Variants in KLHL29 observed in about 807,000 individuals in gnomAD.
KLHL29 encodes the protein kelch like family member 29.
Under a neutral mutation model 80.4 loss-of-function variants are expected in KLHL29, and 21 were observed. The observed-to-expected ratio is 0.26, with a 90% CI of 0.19 to 0.38. The LOEUF is 0.38. Ranked by LOEUF, KLHL29 falls within the 10% of genes least tolerant of loss-of-function variation. The pLI is 1.00. For synonymous variants in KLHL29, 511 were observed against 526.8 expected (o/e 0.97, Z 0.41); for missense variants, 867 against 1,223.9 (o/e 0.71, Z 4.35).
intron 3 of KLHL29, among the ~76,000 whole-genome samples, chr2:23,613,337 A>T (rs1016246207): frequency 6.6e-6 from 1 of 152,266 alleles, no homozygotes; most frequent in Non-Finnish European, 1.5e-5. Context: ...GAGAAAAGGT[A>T]TAGAAAGATT....
chr2:23,563,718 C>T (rs1406541421), intron 3 of KLHL29, among the ~76,000 whole-genome samples: 3 of 152,210 alleles, frequency 2.0e-5, no homozygotes, highest in Non-Finnish European at 2.9e-5. Flanking sequence ...TGAGTGTTGC[C>T]GGCCACAGAG....
chr2:23,666,457 G>T (rs1465318517), intron 5 of KLHL29, among the ~76,000 whole-genome samples: 1 of 152,142 alleles, frequency 6.6e-6, no homozygotes, highest in Non-Finnish European at 1.5e-5. Flanking sequence ...GAAGAGAGCA[G>T]TTCCTCTCAG....
intron 3 of KLHL29, among the ~76,000 whole-genome samples, chr2:23,637,108 A>AGT (rs1669633444): frequency 6.6e-6 from 1 of 152,128 alleles, no homozygotes; most frequent in African/African-American, 2.4e-5. Context: ...CCAGGAAGGG[A>AGT]GTGCCGGTCA....
chr2:23,476,188 G>A (rs1664637065), intron 2 of KLHL29, among the ~76,000 whole-genome samples: 1 of 152,016 alleles, frequency 6.6e-6, no homozygotes, highest in Non-Finnish European at 1.5e-5. Flanking sequence ...GAATCTCTGT[G>A]ACAGTTCCTT....
At chr2:23,435,771 G>A (rs1487257554) in intron 1 of KLHL29, among the ~76,000 whole-genome samples, 2 of 152,142 alleles carry the variant, frequency 1.3e-5, no homozygotes, top group Admixed American at 1.3e-4. Context: ...GTGAATAATT[G>A]CAGCTATCCT....
At position 23,392,735 on chromosome 2, in the gene KLHL29, G is replaced by GCA. The variant is rs140487232; in HGVS notation, c.-154+6963_-154+6964dup. On this transcript the variant is annotated intron_variant, in intron 1 of 13. Coordinates refer to ENST00000486442, the MANE Select transcript of KLHL29 (RefSeq NM_052920.2). ...CCAGTCTGTCTGTGTTTTCCTTTCT[G>GCA]CACACACACCCCTATTCGTGTGTGC... 7.2e-3 allele frequency among the ~76,000 whole-genome samples: 1,089 copies of GCA among 152,192 alleles called. 15 individuals are homozygous for GCA. The highest frequency in any genetic ancestry group is 0.025 in the African/African-American group (1,026 of 41,526).
chr2:23,418,208 G>T (rs970327214), intron 1 of KLHL29, among the ~76,000 whole-genome samples: 1 of 152,192 alleles, frequency 6.6e-6, no homozygotes, highest in African/African-American at 2.4e-5. Flanking sequence ...CTGCCCTCCT[G>T]CCTGACTCCC....
At chr2:23,632,043 C>T (rs1013966744) in intron 3 of KLHL29, among the ~76,000 whole-genome samples, 2 of 152,184 alleles carry the variant, frequency 1.3e-5, no homozygotes, top group African/African-American at 4.8e-5. Context: ...CGCCCAACAC[C>T]AACTGAAGCA....
At chr2:23,398,298 T>C (rs1414823313) in intron 1 of KLHL29, among the ~76,000 whole-genome samples, 1 of 152,230 alleles carries the variant, frequency 6.6e-6, no homozygotes, top group African/African-American at 2.4e-5. Flanking sequence ...AAGGAACTTT[T>C]GACACACGCT....
chr2:23,494,487 G>A (rs1461732909), intron 2 of KLHL29, among the ~76,000 whole-genome samples: 1 of 152,150 alleles, frequency 6.6e-6, no homozygotes, highest in Non-Finnish European at 1.5e-5. Context: ...ATCTTTTTCA[G>A]CTGCATGCAG....
chr2:23,584,839 C>T lies in KLHL29; in HGVS notation c.285+22358C>T, dbSNP rs112977034. 9.6e-3 allele frequency among the ~76,000 whole-genome samples: 1,465 copies of T among 152,286 alleles called. 25 individuals carry two copies. Among genetic ancestry groups the T allele is most frequent in the African/African-American group, 0.034 (1,396 of 41,546 alleles). ...GCAACTTCCGCCTCCCAGGTTCAAG[C>T]GGTTCTCCTGCCTCAGCCTCCTGAG... On this transcript the variant is annotated intron_variant, in intron 3 of 13. Transcript: ENST00000486442.
intron 3 of KLHL29, among the ~76,000 whole-genome samples, chr2:23,614,116 A>G (rs1454460146): frequency 6.6e-6 from 1 of 152,028 alleles, no homozygotes; most frequent in East Asian, 1.9e-4. Context: ...AAAACAATGC[A>G]CCCATTTGTC....
chr2:23,694,057 G>A (rs967420458), intron 8 of KLHL29, among the ~76,000 whole-genome samples: 5 of 152,182 alleles, frequency 3.3e-5, no homozygotes, highest in Admixed American at 2.0e-4. Context: ...AGTTAGATGG[G>A]GCAGCTAATA....
At chr2:23,604,201 C>G (rs1464973073) in intron 3 of KLHL29, among the ~76,000 whole-genome samples, 3 of 151,982 alleles carry the variant, frequency 2.0e-5, no homozygotes, top group Non-Finnish European at 2.9e-5. Context: ...GCCCAGGCTG[C>G]AGTGCAGTGG....
chr2:23,614,246 A>G (rs1236257932), intron 3 of KLHL29, among the ~76,000 whole-genome samples: 2 of 152,194 alleles, frequency 1.3e-5, no homozygotes, highest in Non-Finnish European at 2.9e-5. Flanking sequence ...CCTAAAATGT[A>G]TAAAACCAAC....
At chr2:23,499,941 T>G (rs1045731525) in intron 2 of KLHL29, among the ~76,000 whole-genome samples, 1 of 152,006 alleles carries the variant, frequency 6.6e-6, no homozygotes, top group African/African-American at 2.4e-5. Flanking sequence ...GGATAGAAGG[T>G]TATTGGTTTA....
At chr2:23,415,720 A>G (rs532477725) in intron 1 of KLHL29, among the ~76,000 whole-genome samples, 36 of 151,276 alleles carry the variant, frequency 2.4e-4, no homozygotes, top group African/African-American at 6.1e-4. Flanking sequence ...TTTTTTTGAC[A>G]TAGACTCTCA....
chr2:23,474,830 T>A (rs1664588855), intron 1 of KLHL29, among the ~76,000 whole-genome samples: 1 of 152,156 alleles, frequency 6.6e-6, no homozygotes, highest in Non-Finnish European at 1.5e-5. Context: ...ATGATATATT[T>A]GGTTTAAAAA....
rs1671177112 is a variant in KLHL29 at position 23,684,359 on chromosome 2, T to C, written c.941-40T>C. ...TTTTAATTAAAAAAAAAAAAACTCT[T>C]AATGGGAACCTGGCCCTGTCTGTCT... On this transcript the variant is annotated intron_variant, in intron 5 of 13. Coordinates refer to ENST00000486442, the MANE Select transcript of KLHL29 (RefSeq NM_052920.2). This position sits in a 1 kb window ranked among gnomAD's most constrained non-coding sequence, Gnocchi z 4.4. 4 of 1,344,128 alleles carry C rather than the reference T, an allele frequency of 3.0e-6. No individual in the cohort carries two copies. The South Asian group carries it at 6.3e-5, about 21-fold the overall frequency. The allele number at this position is 1,344,128 out of a possible 1,614,324, so 83.3% of individuals were successfully genotyped here.
Sources: gnomAD v4.1 joint callset for allele counts (sites outside exome capture counted in the v4.1 genomes callset) on GRCh38, gnomAD v4.1.1 for gene constraint, Gnocchi (gnomAD v3.1) non-coding constraint, MANE v1.5 for transcripts, NCBI Gene and HGNC (gene_info 2026-07-23, HGNC 2026-07-21) for gene names.